Variants in PPEF1 observed in about 807,000 individuals in gnomAD.
PPEF1 encodes protein phosphatase with EF-hand domain 1, also known as serine/threonine-protein phosphatase with EF-hands 1.
In PPEF1, 12 loss-of-function variants were observed where a neutral mutation model predicts 53.3. The ratio of observed to expected loss-of-function variants is 0.23; its 90% CI spans 0.14 to 0.36. The LOEUF (loss-of-function observed/expected upper bound fraction) is 0.36. PPEF1 is among the 10% of genes least tolerant of loss of function. PPEF1 has a pLI of 1.00. For synonymous variants in PPEF1, 165 were observed against 176.7 expected (o/e 0.93, Z 0.52); for missense variants, 334 against 490.4 (o/e 0.68, Z 3.01).
intron 5 of PPEF1, among the ~76,000 whole-genome samples, chrX:18,759,709 G>C (rs767374132): frequency 9.8e-5 from 11 of 111,760 alleles, no homozygotes; most frequent in African/African-American, 3.6e-4. Context: ...ATACTAATAT[G>C]CTAATAATAT....
intron 11 of PPEF1, among the ~76,000 whole-genome samples, chrX:18,806,112 A>C (rs184381445): frequency 9.0e-6 from 1 of 111,376 alleles, no homozygotes; most frequent in Admixed American, 9.6e-5. Context: ...TGCAAAATCA[A>C]ACATTAAAGA....
chrX:18,810,423 C>A (rs1445653006), intron 12 of PPEF1, among the ~76,000 whole-genome samples: 1 of 110,686 alleles, frequency 9.0e-6, no homozygotes, highest in Non-Finnish European at 1.9e-5. Context: ...ATTTACAATT[C>A]AATGACAGTA....
chrX:18,809,303 G>A (rs529633943), intron 12 of PPEF1, among the ~76,000 whole-genome samples: 38 of 109,957 alleles, frequency 3.5e-4, no homozygotes, highest in African/African-American at 1.2e-3. Flanking sequence ...TTATAATACC[G>A]AATGCACTAT....
chrX:18,798,751 G>T (rs2046483418), intron 10 of PPEF1, among the ~76,000 whole-genome samples: 1 of 111,002 alleles, frequency 9.0e-6, no homozygotes, highest in Non-Finnish European at 1.9e-5. Flanking sequence ...AGCCTCCAAA[G>T]TAGCTGGGAT....
intron 4 of PPEF1, among the ~76,000 whole-genome samples, chrX:18,752,468 G>A (rs1383629230): frequency 2.7e-5 from 3 of 110,428 alleles, no homozygotes; most frequent in African/African-American, 6.6e-5. Context: ...CCTTCTTTCT[G>A]ATTTGGGTGC....
chrX:18,757,555 T>G (rs977488219), intron 4 of PPEF1, 72 bp from the exon 5 acceptor site: 75 of 811,074 alleles, frequency 9.2e-5, no homozygotes, highest in Non-Finnish European at 1.3e-4. Context: ...TGCTCCACCT[T>G]TACAGTTTTC....
chrX:18,719,890 G>A (rs2044542896), intron 1 of PPEF1, among the ~76,000 whole-genome samples: 1 of 111,903 alleles, frequency 8.9e-6, no homozygotes, highest in Non-Finnish European at 1.9e-5. Flanking sequence ...CTCAAAGCGT[G>A]TTCCTGCAAA....
intron 13 of PPEF1, among the ~76,000 whole-genome samples, chrX:18,823,353 G>A (rs1015070843): frequency 2.1e-4 from 23 of 111,538 alleles, no homozygotes; most frequent in Non-Finnish European, 4.0e-4. Flanking sequence ...GGCCGCGCAT[G>A]GTGGCTCACA....
At chrX:18,729,363 G>A (rs1221703071) in intron 1 of PPEF1, among the ~76,000 whole-genome samples, 2 of 111,577 alleles carry the variant, frequency 1.8e-5, no homozygotes, top group Admixed American at 1.9e-4. Context: ...TGTACCCCAC[G>A]CTCATTCACT....
At chrX:18,813,160 C>T (rs2046841189) in intron 12 of PPEF1, among the ~76,000 whole-genome samples, 1 of 110,632 alleles carries the variant, frequency 9.0e-6, no homozygotes, top group African/African-American at 3.3e-5. Flanking sequence ...GCGGGTGGAT[C>T]ACGAGGTCAG....
chrX:18,781,892 A>C (rs764805920), intron 7 of PPEF1, among the ~76,000 whole-genome samples: 2 of 111,079 alleles, frequency 1.8e-5, no homozygotes, highest in Non-Finnish European at 3.8e-5. Context: ...GAGCATAACA[A>C]GCCAACTTGT....
chrX:18,821,758 CGAGAGAGA>C (rs754652406), intron 13 of PPEF1, among the ~76,000 whole-genome samples: 193 of 28,658 alleles, frequency 6.7e-3, no homozygotes, highest in African/African-American at 0.023. Flanking sequence ...GAAACCATGG[CGAGAGAGA>C]GAGAGAGAGA....
chrX:18,676,708 GC>G lies in PPEF1; in HGVS notation c.-587+581del, dbSNP rs767643854. ...TCGAAAACAAGACTGCCAGGAACTGGCCCTAAAGTTACACCCACTGGTTGTG... is the reference window on the plus strand; with the variant it reads ...TCGAAAACAAGACTGCCAGGAACTGGCCTAAAGTTACACCCACTGGTTGTG... On this transcript the variant is annotated intron_variant, in intron 1 of 20. Coordinates refer to the PPEF1 transcript ENST00000689646. Among the ~76,000 whole-genome samples, 297 of 112,073 alleles carry G rather than the reference GC, an allele frequency of 2.7e-3. 6 individuals are homozygous for G. The highest frequency in any genetic ancestry group is 9.5e-3 in the African/African-American group (294 of 30,854).
chrX:18,802,069 A>G (rs1189673749), intron 10 of PPEF1, among the ~76,000 whole-genome samples: 1 of 109,719 alleles, frequency 9.1e-6, no homozygotes, highest in Non-Finnish European at 1.9e-5. Context: ...GAAAAATATT[A>G]TTTTGTTTTA....
rs1415034883 is a variant in PPEF1 at position 18,730,384 on chromosome X, T to C, written c.174+76T>C. 20 of 1,115,804 alleles carry C rather than the reference T, an allele frequency of 1.8e-5. No individual in the cohort carries two copies. The Middle Eastern group carries it at 1.0e-3, about 56-fold the overall frequency. 92.0% of individuals were successfully genotyped at this position (1,115,804 alleles called of 1,213,427 possible). ...CCTTGTTATTGAAAGAATGAAAGTT[T>C]GGGTCCATTTTAAGCTGAGGAAGCT... On this transcript the variant is annotated intron_variant, in intron 2 of 15. Coordinates refer to ENST00000470157, the MANE Select transcript of PPEF1 (RefSeq NM_001377996.1).
intron 6 of PPEF1, among the ~76,000 whole-genome samples, chrX:18,778,709 G>C (rs1041791376): frequency 6.3e-5 from 7 of 111,344 alleles, no homozygotes; most frequent in African/African-American, 2.3e-4. Context: ...AGCCATGTTT[G>C]ATAGGACAAA....
At chrX:18,768,658 A>G (rs2045821611) in intron 6 of PPEF1, among the ~76,000 whole-genome samples, 1 of 112,785 alleles carries the variant, frequency 8.9e-6, no homozygotes, top group South Asian at 3.6e-4. Flanking sequence ...GGACCATACA[A>G]AGTTGATTTA....
At chrX:18,807,661 A>G (rs1156650171) in intron 12 of PPEF1, among the ~76,000 whole-genome samples, 1 of 111,977 alleles carries the variant, frequency 8.9e-6, no homozygotes, top group Non-Finnish European at 1.9e-5. Context: ...TAAACAATGT[A>G]CATACTTTTT....
At chrX:18,807,487 C>T (rs1206846016) in intron 12 of PPEF1, among the ~76,000 whole-genome samples, 10 of 111,729 alleles carry the variant, frequency 9.0e-5, no homozygotes, top group Non-Finnish European at 1.3e-4. Context: ...CCCTTCCACC[C>T]TCTTCTTGCT....
Sources: gnomAD v4.1 joint callset for allele counts (sites outside exome capture counted in the v4.1 genomes callset) on GRCh38, gnomAD v4.1.1 for gene constraint, MANE v1.5 for transcripts, NCBI Gene and HGNC (gene_info 2026-07-23, HGNC 2026-07-21) for gene names.